PLCB1: variants seen among roughly 807,000 people sequenced by gnomAD.
The protein encoded by PLCB1 is phospholipase C beta 1.
PLCB1 carries 46 observed loss-of-function variants against 161.8 expected under a neutral mutation model. The ratio of observed to expected loss-of-function variants is 0.28; its 90% CI spans 0.22 to 0.36. The LOEUF is 0.36. Ranked by LOEUF, PLCB1 falls within the 10% of genes least tolerant of loss-of-function variation. PLCB1 has a pLI of 1.00. For missense variants in PLCB1, 1,016 were observed against 1,472.5 expected (o/e 0.69, Z 5.07); for synonymous variants, 517 against 503.7 (o/e 1.03, Z -0.35).
intron 2 of PLCB1, among the ~76,000 whole-genome samples, chr20:8,286,089 CCAAGGCAGGCAGATCACCTGAGGT>C (rs1486408273): frequency 1.3e-5 from 2 of 152,210 alleles, no homozygotes; most frequent in Non-Finnish European, 2.9e-5. Context: ...CTTTGGGAGG[CCAAGGCAGGCAGATCACCTGAGGT>C]CAGGAGTTCG....
chr20:8,582,542 A>T (rs1568516917), intron 3 of PLCB1, among the ~76,000 whole-genome samples: 1 of 152,062 alleles, frequency 6.6e-6, no homozygotes, highest in East Asian at 1.9e-4. Context: ...TTATTCCCTC[A>T]TCTGTTTCCC....
chr20:8,548,303 C>T (rs939866747), intron 3 of PLCB1, among the ~76,000 whole-genome samples: 13 of 102,426 alleles, frequency 1.3e-4, no homozygotes, highest in Admixed American at 2.2e-4. Context: ...GTTTTTCTTT[C>T]GTCTTCCTTC....
chr20:8,684,258 T>TTATTTATC (rs1990302267), intron 9 of PLCB1, among the ~76,000 whole-genome samples: 1 of 149,114 alleles, frequency 6.7e-6, no homozygotes, highest in East Asian at 2.0e-4. Flanking sequence ...ATTTATTTAT[T>TTATTTATC]TATTTATTTT....
At chr20:8,726,981 A>G (rs1480940231) in intron 16 of PLCB1, among the ~76,000 whole-genome samples, 1 of 152,054 alleles carries the variant, frequency 6.6e-6, no homozygotes, top group Non-Finnish European at 1.5e-5. Flanking sequence ...TTTAGAACAA[A>G]AGATTCCCAC....
chr20:8,531,760 A>G (rs1022017641), intron 3 of PLCB1, among the ~76,000 whole-genome samples: 34 of 151,610 alleles, frequency 2.2e-4, no homozygotes, highest in African/African-American at 7.0e-4. Flanking sequence ...AGATTAAAAT[A>G]TATATATATA....
At chr20:8,484,934 G>GT (rs1982658394) in intron 3 of PLCB1, among the ~76,000 whole-genome samples, 1 of 152,196 alleles carries the variant, frequency 6.6e-6, no homozygotes. Flanking sequence ...GTAGTTTAAA[G>GT]TGAGTACATG....
intron 23 of PLCB1, among the ~76,000 whole-genome samples, chr20:8,755,137 G>A (rs550154770): frequency 5.3e-5 from 8 of 152,268 alleles, no homozygotes; most frequent in African/African-American, 1.2e-4. Flanking sequence ...TGAGTAGGGT[G>A]TAGTAAACAA....
Position 8,274,296 on chromosome 20 carries a change from A to T in PLCB1, c.178-97086A>T, listed in dbSNP as rs558039087. Among the ~76,000 whole-genome samples, 44 of 152,292 alleles carry T rather than the reference A, an allele frequency of 2.9e-4. No homozygotes were observed. The East Asian group carries it at 5.6e-3, about 19-fold the overall frequency. On this transcript the variant is annotated intron_variant, in intron 2 of 31. Transcript: ENST00000338037. Reference sequence around the variant, plus strand: ...TAACATCATTTTAAATATACATGCAATTATCAATATAGATAAAAGCATATA... The same window carrying T: ...TAACATCATTTTAAATATACATGCATTTATCAATATAGATAAAAGCATATA...
At position 8,150,390 on chromosome 20, in the gene PLCB1, CTTTCTTACATT is replaced by C; in HGVS notation, c.177+24_177+34del. 1 of 1,250,470 alleles carries C rather than the reference CTTTCTTACATT, an allele frequency of 8.0e-7. No individual in the cohort carries two copies. The highest frequency in any genetic ancestry group is 1.1e-6 in the Non-Finnish European group (1 of 874,790). The allele number at this position is 1,250,470 out of a possible 1,614,324, so 77.5% of individuals were successfully genotyped here. On this transcript the variant is annotated intron_variant, in intron 2 of 31. Coordinates refer to ENST00000338037, the MANE Select transcript of PLCB1 (RefSeq NM_015192.4). Reference sequence around the variant, plus strand: ...AAACAAGGTAAGAAATGAGGTATGCCTTTCTTACATTTTTCAGTCGTTTACTACTTTGAAAA... The same window carrying C: ...AAACAAGGTAAGAAATGAGGTATGCCTTTCAGTCGTTTACTACTTTGAAAA...
chr20:8,486,906 CT>C (rs1360231484), intron 3 of PLCB1, among the ~76,000 whole-genome samples: 1 of 152,176 alleles, frequency 6.6e-6, no homozygotes, highest in African/African-American at 2.4e-5. Context: ...TTTTGTGTTT[CT>C]GATGTGAATA....
rs1984450132 is a variant in PLCB1, at chr20:8,523,492, CTCTCTATAT to C, written c.247-104801_247-104793del. Reference sequence around the variant, plus strand: ...TCTCTCTCTCTCTCTCTCTCTCTCTCTCTCTATATATATATATATATATATATATGGAGA... The same window carrying C: ...TCTCTCTCTCTCTCTCTCTCTCTCTCATATATATATATATATATATGGAGA... On this transcript the variant is annotated intron_variant, in intron 3 of 31. Transcript: ENST00000338037. Among the ~76,000 whole-genome samples, 27 of 61,852 alleles carry C rather than the reference CTCTCTATAT, an allele frequency of 4.4e-4. 6 individuals carry two copies. Among genetic ancestry groups the C allele is most frequent in the African/African-American group, 1.1e-3 (16 of 14,534 alleles). The allele number at this position is 61,852 out of a possible 152,430, so 40.6% of individuals were successfully genotyped here. A position where few individuals can be genotyped will look rare whatever the true frequency, so the allele number is the denominator to read the frequency against.
intron 3 of PLCB1, among the ~76,000 whole-genome samples, chr20:8,578,961 C>T (rs1046767584): frequency 3.9e-5 from 6 of 152,164 alleles, no homozygotes; most frequent in African/African-American, 1.4e-4. Context: ...AATAAATGTA[C>T]ATCTGGATTC....
chr20:8,550,128 G>A (rs751477660), intron 3 of PLCB1, among the ~76,000 whole-genome samples: 8 of 152,154 alleles, frequency 5.3e-5, no homozygotes, highest in Admixed American at 1.3e-4. Flanking sequence ...AGGCTCATAC[G>A]TGGAAGGGAC....
chr20:8,796,498 C>T (rs1370315838), intron 31 of PLCB1, among the ~76,000 whole-genome samples: 4 of 152,168 alleles, frequency 2.6e-5, no homozygotes, highest in Admixed American at 2.6e-4. Flanking sequence ...CTTGCCAGCA[C>T]TTATTGGATC....
chr20:8,261,969 A>G (rs925684545), intron 2 of PLCB1, among the ~76,000 whole-genome samples: 2 of 152,148 alleles, frequency 1.3e-5, no homozygotes, highest in Non-Finnish European at 2.9e-5. Flanking sequence ...CCCCACATAC[A>G]TCTCAGACAG....
chr20:8,683,396 G>A (rs1442921847), intron 9 of PLCB1, among the ~76,000 whole-genome samples: 16 of 148,554 alleles, frequency 1.1e-4, no homozygotes, highest in Non-Finnish European at 7.5e-5. Context: ...GTTTCAACAA[G>A]AAAAAAAAAA....
At chr20:8,237,422 C>T (rs983699945) in intron 2 of PLCB1, among the ~76,000 whole-genome samples, 2 of 151,994 alleles carry the variant, frequency 1.3e-5, no homozygotes, top group Non-Finnish European at 2.9e-5. Context: ...GTCATATGGA[C>T]ATGCACGAAA....
rs147999661 is a variant in PLCB1 at position 8,386,004 on chromosome 20, G to T, written c.246+14554G>T. 3.5e-3 allele frequency among the ~76,000 whole-genome samples: 526 copies of T among 152,328 alleles called. 1 individual carries two copies. The highest frequency in any genetic ancestry group is 6.0e-3 in the Non-Finnish European group (406 of 68,030). On this transcript the variant is annotated intron_variant, in intron 3 of 31. Coordinates refer to ENST00000338037, the MANE Select transcript of PLCB1 (RefSeq NM_015192.4). ...AGTTTTATTATAAGATTGCAGCAAA[G>T]CAGTCACACCTTTAGGTTCTAATAA...
At chr20:8,517,823 C>T (rs1984196180) in intron 3 of PLCB1, among the ~76,000 whole-genome samples, 2 of 152,138 alleles carry the variant, frequency 1.3e-5, no homozygotes, top group African/African-American at 4.8e-5. Flanking sequence ...GTATGTTTAT[C>T]CTACACCAGG....
Sources: allele counts gnomAD v4.1 joint callset (sites outside exome capture counted in the v4.1 genomes callset), GRCh38; gene constraint gnomAD v4.1.1; transcripts MANE v1.5; gene names NCBI Gene and HGNC (gene_info 2026-07-23, HGNC 2026-07-21).